The following LRRC7 variants were observed in gnomAD, a reference collection of about 807,000 sequenced individuals.
The protein encoded by LRRC7 is leucine rich repeat containing 7.
Under a neutral mutation model 175.7 loss-of-function variants are expected in LRRC7, and 23 were observed. That is an observed-to-expected ratio of 0.13 (90% CI 0.09 to 0.19). The LOEUF is 0.19. Ranked by LOEUF, LRRC7 falls within the 10% of genes least tolerant of loss-of-function variation. The pLI, the probability that LRRC7 is intolerant of heterozygous loss-of-function variation, is 1.00. For synonymous variants in LRRC7, 685 were observed against 680.9 expected, an observed-to-expected ratio of 1.01 and a Z score of -0.09; for missense variants, 1,354 against 1,904.7, an observed-to-expected ratio of 0.71 and a Z score of 5.38.
At chr1:70,008,028 T>C (rs989666316) in intron 11 of LRRC7, among the ~76,000 whole-genome samples, 1 of 152,130 alleles carries the variant, frequency 6.6e-6, no homozygotes, top group Admixed American at 6.6e-5. Flanking sequence ...GAGATATATA[T>C]ATATATGAGC....
At chr1:69,869,719 C>CT (rs1685321572) in intron 7 of LRRC7, among the ~76,000 whole-genome samples, 3 of 152,150 alleles carry the variant, frequency 2.0e-5, no homozygotes, top group Admixed American at 6.6e-5. Context: ...AGGAAAGGCA[C>CT]TTATCATAGA....
chr1:69,838,083 T>C, intron 6 of LRRC7, 144 bp from the exon 7 acceptor site: 1 of 553,390 alleles, frequency 1.8e-6, no homozygotes, highest in Non-Finnish European at 3.2e-6. Context: ...GTTAGAAATA[T>C]TCCAATTCTA....
intron 7 of LRRC7, among the ~76,000 whole-genome samples, chr1:69,841,540 T>A (rs760036431): frequency 1.3e-5 from 2 of 152,128 alleles, no homozygotes; most frequent in African/African-American, 2.4e-5. Context: ...ATATACCAAA[T>A]GCATCAGATG....
At chr1:69,711,042 A>G (rs1664693815) in intron 2 of LRRC7, among the ~76,000 whole-genome samples, 1 of 152,222 alleles carries the variant, frequency 6.6e-6, no homozygotes, top group Non-Finnish European at 1.5e-5. Context: ...GTATGGCCTC[A>G]TGCTTTCTGG....
intron 1 of LRRC7, among the ~76,000 whole-genome samples, chr1:69,645,495 T>A (rs1654875632): frequency 6.6e-6 from 1 of 152,018 alleles, no homozygotes; most frequent in Non-Finnish European, 1.5e-5. Flanking sequence ...ATTAATAACA[T>A]GAATTTTCTT....
intron 1 of LRRC7, among the ~76,000 whole-genome samples, chr1:69,645,407 C>G (rs576797197): frequency 2.0e-4 from 30 of 152,086 alleles, no homozygotes; most frequent in Middle Eastern, 6.8e-3. Context: ...GGAAAACTAC[C>G]TTGTCTTTCT....
chr1:69,667,885 C>G (rs1298689025), intron 1 of LRRC7, among the ~76,000 whole-genome samples: 1 of 152,040 alleles, frequency 6.6e-6, no homozygotes, highest in Non-Finnish European at 1.5e-5. Flanking sequence ...CTCCTCATTC[C>G]TTTCTTCCTT....
intron 1 of LRRC7, among the ~76,000 whole-genome samples, chr1:69,617,559 A>AAC: frequency 6.7e-6 from 1 of 149,694 alleles, no homozygotes; most frequent in Middle Eastern, 3.4e-3. Flanking sequence ...AAAAAAAAAA[A>AAC]AAAAAAAAAA....
At chr1:69,899,527 ATT>A in intron 7 of LRRC7, among the ~76,000 whole-genome samples, 1 of 152,292 alleles carries the variant, frequency 6.6e-6, no homozygotes, top group East Asian at 1.9e-4. Context: ...GATAGTAAAT[ATT>A]TTCCCCTTTG....
intron 2 of LRRC7, among the ~76,000 whole-genome samples, chr1:69,706,081 C>G (rs758425431): frequency 6.6e-6 from 1 of 152,068 alleles, no homozygotes; most frequent in Non-Finnish European, 1.5e-5. Context: ...TATTTTCATG[C>G]ATTTGTCTGG....
At chr1:69,629,534 T>C (rs1324954011) in intron 1 of LRRC7, among the ~76,000 whole-genome samples, 1 of 152,146 alleles carries the variant, frequency 6.6e-6, no homozygotes, top group Non-Finnish European at 1.5e-5. Flanking sequence ...GCTCAGTCAC[T>C]TGGTCTATAA....
At chr1:69,791,459 G>A (rs1252992841) in intron 3 of LRRC7, among the ~76,000 whole-genome samples, 1 of 151,906 alleles carries the variant, frequency 6.6e-6, no homozygotes, top group African/African-American at 2.4e-5. Flanking sequence ...TTGGACTGAT[G>A]GCAGAAATGA....
chr1:70,108,301 T>C (rs1189168239), intron 26 of LRRC7, among the ~76,000 whole-genome samples: 2 of 152,034 alleles, frequency 1.3e-5, no homozygotes, highest in Admixed American at 1.3e-4. Context: ...AAAGTTTAGC[T>C]CTATATAAGG....
chr1:69,811,316 T>A (rs11209547), intron 4 of LRRC7, among the ~76,000 whole-genome samples: 21,604 of 152,136 alleles, frequency 0.14, 2,274 homozygotes, highest in African/African-American at 0.3. Flanking sequence ...TCTTACACTG[T>A]TGGTGGGAGT....
At chr1:70,035,933 C>T (rs1428704802) in intron 18 of LRRC7, among the ~76,000 whole-genome samples, 188 bp from the exon 19 acceptor site, 1 of 146,546 alleles carries the variant, frequency 6.8e-6, no homozygotes, top group Non-Finnish European at 1.5e-5. Context: ...AATGGACTCA[C>T]TTACATTAGA....
intron 19 of LRRC7, 93 bp from the exon 20 acceptor site, chr1:70,036,351 A>G: frequency 1.4e-6 from 2 of 1,423,640 alleles, no homozygotes; most frequent in Non-Finnish European, 9.6e-7. Context: ...TGCATTTCTA[A>G]CCTTAATCGG....
At chr1:69,687,125 G>A (rs1355419658) in intron 2 of LRRC7, among the ~76,000 whole-genome samples, 1 of 151,930 alleles carries the variant, frequency 6.6e-6, no homozygotes, top group Non-Finnish European at 1.5e-5. Context: ...TCTTTTTATT[G>A]ATTTATCTTT....
At chr1:70,085,912 A>C (rs1663573302) in intron 24 of LRRC7, among the ~76,000 whole-genome samples, 1 of 152,182 alleles carries the variant, frequency 6.6e-6, no homozygotes, top group Admixed American at 6.6e-5. Flanking sequence ...TGTGGAATAA[A>C]GTCATAAATC....
At chr1:69,704,334 C>A (rs1262174760) in intron 2 of LRRC7, among the ~76,000 whole-genome samples, 1 of 152,084 alleles carries the variant, frequency 6.6e-6, no homozygotes, top group Middle Eastern at 3.4e-3. Context: ...TAGGCAGTTA[C>A]CGACCCCATG....
Sources: gnomAD v4.1 joint callset for allele counts (sites outside exome capture counted in the v4.1 genomes callset) on GRCh38, gnomAD v4.1.1 for gene constraint, MANE v1.5 for transcripts, NCBI Gene and HGNC (gene_info 2026-07-23, HGNC 2026-07-21) for gene names.